The following ZNF74 variants were observed in gnomAD, a reference collection of about 807,000 sequenced individuals.
The protein encoded by ZNF74 is zinc finger protein 74, also known as zinc finger protein 520.
ZNF74 carries 12 observed loss-of-function variants against 17.7 expected under a neutral mutation model. That is an observed-to-expected ratio of 0.68 (90% CI 0.43 to 1.10). The LOEUF (loss-of-function observed/expected upper bound fraction) is 1.10. Ranked by LOEUF, ZNF74 falls within the 50% of genes least tolerant of loss-of-function variation. The pLI is 0.00. For missense variants in ZNF74, 811 were observed against 881.0 expected (o/e 0.92, Z 1.01); for synonymous variants, 358 against 362.1 (o/e 0.99, Z 0.13).
Position 20,401,171 on chromosome 22 carries a change from G to A in ZNF74, c.248-106G>A. 2.8e-6 allele frequency: 2 copies of A among 717,684 alleles called. No homozygotes were observed. The highest frequency in any genetic ancestry group is 1.8e-5 in the South Asian group (1 of 56,214). 44.5% of individuals were successfully genotyped at this position (717,684 alleles called of 1,614,324 possible). On this transcript the variant is annotated intron_variant, in intron 3 of 4. Transcript: ENST00000400451. This position sits in a 1 kb window ranked among gnomAD's most constrained non-coding sequence, Gnocchi z 4.2. ...GCCCAGAGGACCTCCTGTTCCCAGAGAGGGTGTCCACTTCACAGGCATTGT... is the reference window on the plus strand; with the variant it reads ...GCCCAGAGGACCTCCTGTTCCCAGAAAGGGTGTCCACTTCACAGGCATTGT...
Position 20,394,505 on chromosome 22 carries a change from C to G in ZNF74, c.-124C>G. On this transcript the variant is annotated 5_prime_UTR_variant, in exon 1 of 5. Coordinates refer to ENST00000400451, the MANE Select transcript of ZNF74 (RefSeq NM_003426.4). ...GATCGTGCAGCTGTGAGCGCGTGGC[C>G]GCCCCGCGGGGCTCCGCTGCAGGCC... 1.9e-6 allele frequency: 2 copies of G among 1,035,084 alleles called. No homozygotes were observed. Among genetic ancestry groups the G allele is most frequent in the Admixed American group, 4.3e-5 (2 of 46,378 alleles). The allele number at this position is 1,035,084 out of a possible 1,614,324, so 64.1% of individuals were successfully genotyped here.
chr22:20,400,790 G>A (rs778916794), intron 3 of ZNF74, 32 bp downstream of exon 3: 26 of 1,610,484 alleles, frequency 1.6e-5, no homozygotes, highest in Admixed American at 3.4e-5. Context: ...GCTGGGCGTC[G>A]GCTGTCAGCC....
chr22:20,401,536 T>G lies in ZNF74; in HGVS notation c.343+164T>G, dbSNP rs958379298. Among the ~76,000 whole-genome samples, 1 of 152,202 alleles carries G rather than the reference T, an allele frequency of 6.6e-6. No homozygotes were observed. Among genetic ancestry groups the G allele is most frequent in the Admixed American group, 6.5e-5 (1 of 15,282 alleles). On this transcript the variant is annotated intron_variant, in intron 4 of 4. Transcript: ENST00000400451. The surrounding 1 kb of genome is among the most constrained non-coding windows in gnomAD (Gnocchi z 4.2). ...CCTCCCTTCAGCACGTACTGAGCAC[T>G]GCCTGTGTGCTGAGACCTGTTCTGG...
chr22:20,395,461 C>A, intron 2 of ZNF74, 43 bp downstream of exon 2: 1 of 1,465,216 alleles, frequency 6.8e-7, no homozygotes. Flanking sequence ...AGAGGGTTGG[C>A]ACATTCCCTC....
chr22:20,394,359 G>T lies in ZNF74; in HGVS notation c.-270G>T. ...GGTTCGCCGGGAGGAGCGTGTGGCG[G>T]GGGTGTGCCGGGGCGTGAGTGCGCC... is the stretch of plus-strand genomic sequence containing the variant. On this transcript the variant is annotated 5_prime_UTR_variant, in exon 1 of 5. Transcript: ENST00000400451. The T allele has an allele frequency of 1.5e-6, 1 of 686,432 alleles. No homozygotes were observed. The highest frequency in any genetic ancestry group is 1.5e-5 in the South Asian group (1 of 65,584). 42.5% of individuals were successfully genotyped at this position (686,432 alleles called of 1,614,324 possible).
intron 4 of ZNF74, 25 bp from the exon 5 acceptor site, chr22:20,405,352 G>GA: frequency 6.4e-7 from 1 of 1,574,696 alleles, no homozygotes; most frequent in Non-Finnish European, 8.6e-7. Context: ...CTTGCTCACA[G>GA]AAAATCATTT....
At chr22:20,397,543 G>A (rs1434666378) in intron 2 of ZNF74, among the ~76,000 whole-genome samples, 1 of 152,050 alleles carries the variant, frequency 6.6e-6, no homozygotes, top group African/African-American at 2.4e-5. Context: ...TGCATTCAGT[G>A]GTCTCCCCTC....
intron 1 of ZNF74, 80 bp from the exon 2 acceptor site, chr22:20,395,253 C>T (rs2052279380): frequency 8.9e-7 from 1 of 1,121,612 alleles, no homozygotes; most frequent in African/African-American, 1.5e-5. Context: ...CTCTGATTCT[C>T]ACTTGTGCCA....
In ZNF74 at chr22:20,406,245, C is replaced by A. The variant is rs1445115056; in HGVS notation, c.1212C>A (p.Thr404=). 5 of 1,612,432 alleles carry A rather than the reference C, an allele frequency of 3.1e-6. No homozygotes were observed. The highest frequency in any genetic ancestry group is 2.2e-5 in the East Asian group (1 of 44,844). The part of the protein sequence containing the change: ...GKAFTCHSSL[T]VHEKIHSGDK... ...CCTTCACCTGCCACTCATCCCTCACCGTGCATGAGAAGATCCACAGCGGGG... is the reference window on the plus strand; with the variant it reads ...CCTTCACCTGCCACTCATCCCTCACAGTGCATGAGAAGATCCACAGCGGGG... Residue 404 remains threonine, a synonymous_variant, in exon 5 of 5, where the codon ACC becomes ACA. Coordinates refer to ENST00000400451, the MANE Select transcript of ZNF74 (RefSeq NM_003426.4).
intron 2 of ZNF74, among the ~76,000 whole-genome samples, chr22:20,398,486 G>A (rs1451154555): frequency 6.6e-6 from 1 of 152,050 alleles, no homozygotes; most frequent in Non-Finnish European, 1.5e-5. Context: ...TTACTCATAG[G>A]CTTTTGCTAT....
rs2052421522 is a variant in ZNF74 at position 20,406,141 on chromosome 22, A to G, written c.1108A>G (p.Asn370Asp). The change falls in exon 5 of 5, where the codon AAC (asparagine) becomes GAC (aspartate). Residue 370 changes from asparagine to aspartate, a missense_variant. By Grantham distance (23) the Asn-to-Asp change is conservative (BLOSUM62 1). This residue lies in a region of ZNF74 where 666 missense variants were observed against 702.3 expected (regional missense o/e 0.95). Transcript: ENST00000400451. ...YRCGECGKAF[N>D]QRTHLTRHHR... ...GTGCGGCGAGTGCGGCAAGGCCTTCAACCAGCGTACACACCTCACACGCCA... is the reference window on the plus strand; with the variant it reads ...GTGCGGCGAGTGCGGCAAGGCCTTCGACCAGCGTACACACCTCACACGCCA... The G allele has an allele frequency of 1.2e-6, 2 of 1,613,628 alleles. No homozygotes were observed. The highest frequency in any genetic ancestry group is 1.3e-5 in the African/African-American group (1 of 74,888).
Position 20,405,710 on chromosome 22 carries a change from C to A in ZNF74, c.677C>A (p.Pro226Gln), listed in dbSNP as rs754331193. Residue 226 changes from proline to glutamine, a missense_variant, in exon 5 of 5, where the codon CCA (proline) becomes CAA (glutamine). Pro to Gln is a moderately conservative substitution (Grantham distance 76, BLOSUM62 -1). This residue lies in a region of ZNF74 where 666 missense variants were observed against 702.3 expected (regional missense o/e 0.95). Transcript: ENST00000400451. The part of the protein sequence containing the change: ...RLCAGENAST[P>Q]SEPEKFPQVR... ...TGTGCAGGGGAAAACGCCTCCACGC[C>A]AAGTGAGCCAGAAAAGTTCCCCCAG... is the stretch of plus-strand genomic sequence containing the variant. The A allele has an allele frequency of 1.2e-6, 2 of 1,603,924 alleles. No individual in the cohort carries two copies. The highest frequency in any genetic ancestry group is 1.7e-6 in the Non-Finnish European group (2 of 1,175,610).
In ZNF74 at chr22:20,395,189, G is replaced by A. The variant is rs542272143; in HGVS notation, c.35-144G>A. The stretch of plus-strand genomic sequence containing the variant: ...ATTCCTCGATGCTGTTTCTGTTGGT[G>A]CTAGCTACTGGGGCTCGTTCCCCAC... On this transcript the variant is annotated intron_variant, in intron 1 of 4. Coordinates refer to ENST00000400451, the MANE Select transcript of ZNF74 (RefSeq NM_003426.4). 79 of 621,612 alleles carry A rather than the reference G, an allele frequency of 1.3e-4. 1 individual carries two copies. In the South Asian group the frequency reaches 1.6e-3, roughly 12 times the overall value. 38.5% of individuals were successfully genotyped at this position (621,612 alleles called of 1,614,324 possible). A position where few individuals can be genotyped will look rare whatever the true frequency, so the allele number is the denominator to read the frequency against.
rs748412089 is a variant in ZNF74 at position 20,394,658 on chromosome 22, G to A, written c.30G>A (p.Lys10=). Residue 10 remains lysine, a synonymous_variant, in exon 1 of 5, where the codon AAG becomes AAA. Transcript: ENST00000400451. MEIPAPEPE[K]TALSSQDPAL... The stretch of plus-strand genomic sequence containing the variant: ...AGATCCCTGCCCCGGAGCCCGAGAA[G>A]ACAGGTACAGCTTCACTCTTGTAGT... 1.2e-6 allele frequency: 2 copies of A among 1,614,026 alleles called. No homozygotes were observed. Among genetic ancestry groups the A allele is most frequent in the African/African-American group, 2.7e-5 (2 of 74,940 alleles).
chr22:20,396,145 G>T (rs1229195826), intron 2 of ZNF74, among the ~76,000 whole-genome samples: 2 of 150,918 alleles, frequency 1.3e-5, no homozygotes, highest in Non-Finnish European at 2.9e-5. Context: ...AGATGTGGAG[G>T]AATAAGGGGT....
intron 2 of ZNF74, among the ~76,000 whole-genome samples, chr22:20,397,071 C>CTT (rs1555903902): frequency 6.8e-6 from 1 of 146,708 alleles, no homozygotes; most frequent in East Asian, 2.0e-4. Context: ...TTTTGTTTTT[C>CTT]TTTCTTTTTC....
chr22:20,407,612 C>T lies in ZNF74; in HGVS notation c.*644C>T, dbSNP rs970998817. The stretch of plus-strand genomic sequence containing the variant: ...ATCCTCGGACGGGCTCCTGACACGG[C>T]TTTAATCAGGAGTTTCCTCCATAAA... On this transcript the variant is annotated 3_prime_UTR_variant, in exon 5 of 5. Transcript: ENST00000400451. The T allele has an allele frequency of 3.3e-5, 5 of 152,210 alleles. No individual in the cohort carries two copies. The highest frequency in any genetic ancestry group is 5.9e-5 in the Non-Finnish European group (4 of 68,080). 9.4% of individuals were successfully genotyped at this position (152,210 alleles called of 1,614,324 possible).
At chr22:20,398,083 C>T (rs2052315466) in intron 2 of ZNF74, among the ~76,000 whole-genome samples, 1 of 152,154 alleles carries the variant, frequency 6.6e-6, no homozygotes, top group African/African-American at 2.4e-5. Context: ...TTTTGGGAGG[C>T]TGAGGTGGGT....
chr22:20,405,234 C>G (rs1360999038), intron 4 of ZNF74, 143 bp from the exon 5 acceptor site: 16 of 856,816 alleles, frequency 1.9e-5, no homozygotes, highest in Admixed American at 1.8e-4. Flanking sequence ...GCTCCCTTCT[C>G]TCTGCCTGCA....
Sources: gnomAD v4.1 joint callset for allele counts (sites outside exome capture counted in the v4.1 genomes callset) on GRCh38, gnomAD v4.1.1 for gene constraint, gnomAD v4.1.1 regional missense constraint, Gnocchi (gnomAD v3.1) non-coding constraint, MANE v1.5 for transcripts, NCBI Gene and HGNC (gene_info 2026-07-23, HGNC 2026-07-21) for gene names.